Variants in DLG2 observed in about 807,000 individuals in gnomAD.
DLG2 encodes disks large homolog 2.
Under a neutral mutation model 132.5 loss-of-function variants are expected in DLG2, and 45 were observed. That is an observed-to-expected ratio of 0.34 (90% CI 0.27 to 0.44). The LOEUF (loss-of-function observed/expected upper bound fraction) is 0.44, where lower values mean the gene tolerates loss of function less well. Ranked by LOEUF, DLG2 falls within the 20% of genes least tolerant of loss-of-function variation. DLG2 has a pLI of 1.00. For missense variants in DLG2, 1,045 were observed against 1,196.9 expected, an observed-to-expected ratio of 0.87 and a Z score of 1.87; for synonymous variants, 424 against 419.6, an observed-to-expected ratio of 1.01 and a Z score of -0.13.
intron 3 of DLG2, among the ~76,000 whole-genome samples, chr11:85,480,374 A>T (rs1228092166): frequency 1.3e-5 from 2 of 152,160 alleles, no homozygotes; most frequent in African/African-American, 4.8e-5. Context: ...ACACAAGTAC[A>T]TTCTGGAATG....
At chr11:84,701,451 A>G (rs1228723511) in intron 6 of DLG2, among the ~76,000 whole-genome samples, 5 of 151,632 alleles carry the variant, frequency 3.3e-5, no homozygotes, top group African/African-American at 4.8e-5. Context: ...TGCATGTAGC[A>G]TAGCCCCTAG....
intron 7 of DLG2, among the ~76,000 whole-genome samples, chr11:84,515,609 T>C (rs2099270509): frequency 6.6e-6 from 1 of 151,808 alleles, no homozygotes; most frequent in Non-Finnish European, 1.5e-5. Flanking sequence ...TAGATCTGAA[T>C]GGAGAGCCAG....
chr11:85,142,334 T>A (rs2076547858), intron 5 of DLG2, among the ~76,000 whole-genome samples: 1 of 151,808 alleles, frequency 6.6e-6, no homozygotes, highest in African/African-American at 2.4e-5. Context: ...AAATGGGAGT[T>A]TTTTTCTTGG....
intron 6 of DLG2, among the ~76,000 whole-genome samples, chr11:84,982,012 C>T (rs1489548791): frequency 1.3e-5 from 2 of 152,064 alleles, no homozygotes; most frequent in Non-Finnish European, 2.9e-5. Context: ...TTTCTTTTGG[C>T]AATACTTTCT....
At chr11:85,048,622 A>G (rs1414966219) in intron 6 of DLG2, among the ~76,000 whole-genome samples, 2 of 152,010 alleles carry the variant, frequency 1.3e-5, no homozygotes, top group Non-Finnish European at 2.9e-5. Context: ...ACATTATCCT[A>G]TTATTTAGTT....
At chr11:85,427,295 G>A (rs1597246635) in intron 3 of DLG2, among the ~76,000 whole-genome samples, 1 of 152,060 alleles carries the variant, frequency 6.6e-6, no homozygotes, top group Admixed American at 6.6e-5. Context: ...GATACTCCTC[G>A]AGAAGAGCAA....
At chr11:84,040,855 A>G (rs1309142368) in intron 11 of DLG2, among the ~76,000 whole-genome samples, 2 of 151,998 alleles carry the variant, frequency 1.3e-5, no homozygotes, top group Non-Finnish European at 1.5e-5. Flanking sequence ...ACGCATGAGC[A>G]TGGAATGTTC....
chr11:85,416,937 T>G (rs576754564), intron 3 of DLG2, among the ~76,000 whole-genome samples: 1 of 152,292 alleles, frequency 6.6e-6, no homozygotes, highest in Admixed American at 6.5e-5. Flanking sequence ...GCTTTATTTC[T>G]TTCTCTTGCC....
At chr11:84,659,552 A>T (rs902994762) in intron 6 of DLG2, among the ~76,000 whole-genome samples, 1 of 152,166 alleles carries the variant, frequency 6.6e-6, no homozygotes, top group African/African-American at 2.4e-5. Context: ...CAAAACTTAC[A>T]TGCAGATATC....
intron 7 of DLG2, among the ~76,000 whole-genome samples, chr11:84,407,293 A>C (rs958293907): frequency 2.0e-5 from 3 of 148,896 alleles, no homozygotes; most frequent in African/African-American, 2.5e-5. Flanking sequence ...GCAGGTGGCC[A>C]GGGCCCTGCT....
intron 7 of DLG2, among the ~76,000 whole-genome samples, chr11:84,306,378 A>G (rs560646028): frequency 2.0e-5 from 3 of 152,314 alleles, no homozygotes; most frequent in Non-Finnish European, 4.4e-5. Flanking sequence ...TGCAGATGAA[A>G]TCTATACACA....
chr11:83,605,021 G>GAGAGAGAGAGAGAGAGAGAGAGAT (rs2059134077), intron 19 of DLG2, among the ~76,000 whole-genome samples: 1 of 151,504 alleles, frequency 6.6e-6, no homozygotes, highest in Non-Finnish European at 1.5e-5. Flanking sequence ...GAGAGAGAGA[G>GAGAGAGAGAGAGAGAGAGAGAGAT]AGAGAGAGAG....
rs371465296 is a variant in DLG2 at position 83,882,289 on chromosome 11, A to G, written c.1497-7801T>C. ...ATATAAAAAAAAGATGAAGGAACAC[A>G]ATATGTTAACTGTTCTCAAATTAAA... On this transcript the variant is annotated intron_variant, in intron 15 of 27. Transcript: ENST00000376104. 1.7e-3 allele frequency among the ~76,000 whole-genome samples: 265 copies of G among 152,202 alleles called. 1 individual carries two copies. Among genetic ancestry groups the G allele is most frequent in the East Asian group, 9.1e-3 (47 of 5,176 alleles).
At chr11:84,757,308 G>T (rs981509571) in intron 6 of DLG2, among the ~76,000 whole-genome samples, 1 of 151,474 alleles carries the variant, frequency 6.6e-6, no homozygotes, top group African/African-American at 2.4e-5. Context: ...AAAAAAAAAA[G>T]GATTTTATCT....
At chr11:85,476,030 G>T (rs901163421) in intron 3 of DLG2, among the ~76,000 whole-genome samples, 1 of 152,026 alleles carries the variant, frequency 6.6e-6, no homozygotes, top group Non-Finnish European at 1.5e-5. Flanking sequence ...GAAACATATC[G>T]TTGGGCAATT....
intron 14 of DLG2, among the ~76,000 whole-genome samples, chr11:83,950,548 G>A (rs1389223193): frequency 6.6e-6 from 1 of 152,184 alleles, no homozygotes; most frequent in Non-Finnish European, 1.5e-5. Flanking sequence ...AGCTGAGATC[G>A]TGCCATTGCA....
intron 15 of DLG2, among the ~76,000 whole-genome samples, chr11:83,914,685 T>G (rs1311450924): frequency 6.6e-6 from 1 of 152,134 alleles, no homozygotes; most frequent in Non-Finnish European, 1.5e-5. Flanking sequence ...AGAGCCAGGA[T>G]CCGAACTCAA....
At chr11:83,736,943 A>G (rs1205000088) in intron 18 of DLG2, among the ~76,000 whole-genome samples, 1 of 151,828 alleles carries the variant, frequency 6.6e-6, no homozygotes, top group African/African-American at 2.4e-5. Context: ...TGTGGGTGGT[A>G]CAATTCCAAG....
chr11:84,591,221 C>CTGTGTGTGTGTG (rs777029147), intron 6 of DLG2, among the ~76,000 whole-genome samples: 12 of 25,470 alleles, frequency 4.7e-4, no homozygotes, highest in East Asian at 2.5e-3. Context: ...ATATGTGTCT[C>CTGTGTGTGTGTG]TCTGTGTGTG....
Sources: gnomAD v4.1 joint callset for allele counts (sites outside exome capture counted in the v4.1 genomes callset) on GRCh38, gnomAD v4.1.1 for gene constraint, MANE v1.5 for transcripts, NCBI Gene and HGNC (gene_info 2026-07-23, HGNC 2026-07-21) for gene names.